The following ROR1 variants were observed in gnomAD, a reference collection of about 807,000 sequenced individuals.
ROR1 encodes the protein inactive tyrosine-protein kinase transmembrane receptor ROR1.
Under a neutral mutation model 78.8 loss-of-function variants are expected in ROR1, and 19 were observed. The observed-to-expected ratio is 0.24, with a 90% CI of 0.17 to 0.35. The LOEUF (loss-of-function observed/expected upper bound fraction) is 0.35, where lower values mean the gene tolerates loss of function less well. ROR1 is among the 10% of genes least tolerant of loss of function. The pLI is 1.00. For missense variants in ROR1, 917 were observed against 1,177.8 expected (o/e 0.78, Z 3.24); for synonymous variants, 386 against 433.6 (o/e 0.89, Z 1.36).
At chr1:63,856,064 G>A (rs1557529567) in intron 1 of ROR1, among the ~76,000 whole-genome samples, 1 of 151,454 alleles carries the variant, frequency 6.6e-6, no homozygotes, top group Non-Finnish European at 1.5e-5. Context: ...TAACATCTGT[G>A]TCAGTTTTGA....
chr1:64,025,407 A>G (rs1373187409), intron 2 of ROR1, among the ~76,000 whole-genome samples: 2 of 152,196 alleles, frequency 1.3e-5, no homozygotes, highest in Non-Finnish European at 2.9e-5. Flanking sequence ...GATTCCTTAA[A>G]AAACTAAAAA....
intron 1 of ROR1, among the ~76,000 whole-genome samples, chr1:63,905,017 C>T (rs1569888107): frequency 1.3e-5 from 2 of 152,248 alleles, no homozygotes; most frequent in East Asian, 1.9e-4. Context: ...AGCTCCTCAT[C>T]CTTCCTGTTG....
chr1:63,950,071 A>G (rs1645922971), intron 1 of ROR1, among the ~76,000 whole-genome samples: 1 of 152,126 alleles, frequency 6.6e-6, no homozygotes, highest in Non-Finnish European at 1.5e-5. Flanking sequence ...AACACAGGGA[A>G]TGTCCTGATA....
At position 63,774,950 on chromosome 1, in the gene ROR1, T is replaced by C. The variant is rs1644604847; in HGVS notation, c.91+442T>C. On this transcript the variant is annotated intron_variant, in intron 1 of 8. Coordinates refer to ENST00000371079, the MANE Select transcript of ROR1 (RefSeq NM_005012.4). This position sits in a 1 kb window ranked among gnomAD's most constrained non-coding sequence, Gnocchi z 5.7. ...CGCGGTCCAGGAGGGAGTTTGGATT[T>C]TCAGTGGTGCTCGCCAGAGCCCAGG... is the stretch of plus-strand genomic sequence containing the variant. Among the ~76,000 whole-genome samples, 2 of 151,950 alleles carry C rather than the reference T, an allele frequency of 1.3e-5. No homozygotes were observed. Among genetic ancestry groups the C allele is most frequent in the South Asian group, 4.1e-4 (2 of 4,824 alleles).
intron 4 of ROR1, among the ~76,000 whole-genome samples, chr1:64,121,059 C>CCTTT (rs1648513615): frequency 3.7e-5 from 3 of 82,010 alleles, no homozygotes; most frequent in Non-Finnish European, 6.6e-5. Flanking sequence ...GGAGATACCC[C>CCTTT]TTTTTTTTTT....
intron 5 of ROR1, among the ~76,000 whole-genome samples, chr1:64,137,853 A>T (rs1232358076): frequency 1.3e-5 from 2 of 152,188 alleles, no homozygotes; most frequent in Non-Finnish European, 2.9e-5. Flanking sequence ...TAGAAGCAAC[A>T]TGATGTCGAC....
intron 2 of ROR1, among the ~76,000 whole-genome samples, chr1:64,033,763 A>C (rs1271470611): frequency 6.6e-6 from 1 of 152,214 alleles, no homozygotes; most frequent in Non-Finnish European, 1.5e-5. Context: ...TAAAATGTAT[A>C]ATGAAATTTA....
chr1:63,894,600 G>C (rs1008239524), intron 1 of ROR1, among the ~76,000 whole-genome samples: 1 of 152,248 alleles, frequency 6.6e-6, no homozygotes, highest in South Asian at 2.1e-4. Context: ...TAGCACAGGG[G>C]AGGTTTTTGG....
intron 4 of ROR1, among the ~76,000 whole-genome samples, chr1:64,104,467 C>T (rs919749505): frequency 2.0e-5 from 3 of 151,820 alleles, no homozygotes; most frequent in African/African-American, 7.3e-5. Flanking sequence ...ATCCTGTCCC[C>T]TCATGGGTAA....
At chr1:64,017,823 G>T (rs1050552275) in intron 2 of ROR1, among the ~76,000 whole-genome samples, 9 of 152,142 alleles carry the variant, frequency 5.9e-5, no homozygotes, top group African/African-American at 2.2e-4. Flanking sequence ...AAGTGTTTGT[G>T]CTCCTGTTTT....
intron 1 of ROR1, among the ~76,000 whole-genome samples, chr1:63,926,058 C>T (rs1225874618): frequency 1.3e-5 from 2 of 152,090 alleles, no homozygotes; most frequent in African/African-American, 4.8e-5. Context: ...GTTGCCATTG[C>T]TTTTGGTGTT....
At chr1:63,835,484 A>G (rs1186688447) in intron 1 of ROR1, among the ~76,000 whole-genome samples, 1 of 152,172 alleles carries the variant, frequency 6.6e-6, no homozygotes, top group Non-Finnish European at 1.5e-5. Flanking sequence ...CCTACCTATA[A>G]AGGCACTCCC....
intron 1 of ROR1, among the ~76,000 whole-genome samples, chr1:63,873,514 T>C (rs139534458): frequency 0.022 from 3,344 of 152,240 alleles, 121 homozygotes; most frequent in Admixed American, 0.1. Context: ...CCTGTTACTG[T>C]CTCTTCGTAG....
At chr1:63,961,352 AC>A (rs1374630314) in intron 1 of ROR1, among the ~76,000 whole-genome samples, 2 of 152,244 alleles carry the variant, frequency 1.3e-5, no homozygotes, top group African/African-American at 4.8e-5. Flanking sequence ...TCCAAAGGAA[AC>A]AAAATCAGTA....
chr1:64,111,945 C>T (rs890417041), intron 4 of ROR1: 1 of 152,222 alleles, frequency 6.6e-6, no homozygotes, highest in African/African-American at 2.4e-5. Flanking sequence ...AAAGTCCTTA[C>T]ATTCCACAAA....
At chr1:64,029,451 G>T (rs555796505) in intron 2 of ROR1, among the ~76,000 whole-genome samples, 1 of 152,014 alleles carries the variant, frequency 6.6e-6, no homozygotes, top group Non-Finnish European at 1.5e-5. Context: ...ATTGCCCTTC[G>T]TATTAGTCTG....
intron 4 of ROR1, among the ~76,000 whole-genome samples, chr1:64,124,131 A>G (rs949493546): frequency 6.6e-6 from 1 of 152,226 alleles, no homozygotes; most frequent in Non-Finnish European, 1.5e-5. Flanking sequence ...TACAGAATAT[A>G]TGCTACATAT....
intron 7 of ROR1, among the ~76,000 whole-genome samples, chr1:64,149,434 A>T (rs1649560469): frequency 6.6e-6 from 1 of 151,960 alleles, no homozygotes; most frequent in African/African-American, 2.4e-5. Context: ...GGTCTTTGGG[A>T]TGCTGCCCAT....
At chr1:63,885,781 G>C (rs777847279) in intron 1 of ROR1, among the ~76,000 whole-genome samples, 2 of 152,106 alleles carry the variant, frequency 1.3e-5, no homozygotes, top group Non-Finnish European at 2.9e-5. Context: ...CTCCAAACGT[G>C]AACCCTCATA....
Sources: gnomAD v4.1 joint callset for allele counts (sites outside exome capture counted in the v4.1 genomes callset) on GRCh38, gnomAD v4.1.1 for gene constraint, Gnocchi (gnomAD v3.1) non-coding constraint, MANE v1.5 for transcripts, NCBI Gene and HGNC (gene_info 2026-07-23, HGNC 2026-07-21) for gene names.